SLC28A1: variants seen among roughly 807,000 people sequenced by gnomAD.
SLC28A1 encodes the protein sodium/nucleoside cotransporter 1.
Under a neutral mutation model 74.8 loss-of-function variants are expected in SLC28A1, and 64 were observed. The ratio of observed to expected loss-of-function variants is 0.86; its 90% CI spans 0.70 to 1.05. The LOEUF is 1.05. Among genes scored for constraint, SLC28A1 ranks in the 50% least tolerant of loss-of-function variants. The pLI is 0.00. For synonymous variants in SLC28A1, 359 were observed against 335.0 expected, an observed-to-expected ratio of 1.07 and a Z score of -0.78; for missense variants, 828 against 822.8, an observed-to-expected ratio of 1.01 and a Z score of -0.08.
intron 15 of SLC28A1, among the ~76,000 whole-genome samples, chr15:84,943,221 A>G (rs1433342226): frequency 6.6e-6 from 1 of 152,198 alleles, no homozygotes; most frequent in East Asian, 1.9e-4. Context: ...AAACAAAAAA[A>G]GTTGAAGGAC....
At chr15:84,925,840 A>T (rs1970448283) in intron 12 of SLC28A1, among the ~76,000 whole-genome samples, 1 of 152,032 alleles carries the variant, frequency 6.6e-6, no homozygotes, top group Admixed American at 6.6e-5. Flanking sequence ...TTATAAAAAG[A>T]TATTCAAGCT....
chr15:84,890,947 G>A, intron 5 of SLC28A1, among the ~76,000 whole-genome samples: 1 of 152,200 alleles, frequency 6.6e-6, no homozygotes, highest in South Asian at 2.1e-4. Context: ...AACTGGCAGG[G>A]TGTGGGTTTC....
chr15:84,903,563 G>A (rs1966845828), intron 6 of SLC28A1, among the ~76,000 whole-genome samples: 1 of 152,192 alleles, frequency 6.6e-6, no homozygotes, highest in African/African-American at 2.4e-5. Flanking sequence ...CCCAGCCCCA[G>A]GGAGGGAAGT....
chr15:84,938,533 T>C (rs936418774), intron 15 of SLC28A1: 2 of 152,170 alleles, frequency 1.3e-5, no homozygotes, highest in Non-Finnish European at 1.5e-5. Flanking sequence ...TTCATGATCT[T>C]TTTTTAATGA....
At chr15:84,973,791 G>A in the SLC28A1 span, among the ~76,000 whole-genome samples, 12,040 of 152,246 alleles carry the variant, frequency 0.079, 796 homozygotes, top group East Asian at 0.24. Context: ...TGTATTCTCA[G>A]TGATGAAAAA....
intron 15 of SLC28A1, chr15:84,941,111 T>C (rs945562166): frequency 1.3e-5 from 2 of 152,512 alleles, no homozygotes; most frequent in African/African-American, 4.8e-5. Context: ...CCTCTTGGCT[T>C]CTTAGGGTCT....
At chr15:84,964,441 C>G in the SLC28A1 span, among the ~76,000 whole-genome samples, 1 of 152,352 alleles carries the variant, frequency 6.6e-6, no homozygotes, top group African/African-American at 2.4e-5. Flanking sequence ...CTTCCTCTCA[C>G]TCAGTAGGAG....
intron 15 of SLC28A1, among the ~76,000 whole-genome samples, chr15:84,937,391 C>A (rs1180315737): frequency 6.6e-6 from 1 of 152,286 alleles, no homozygotes; most frequent in East Asian, 1.9e-4. Context: ...ATCAGCAGCA[C>A]CAGCTGTGCC....
intron 11 of SLC28A1, among the ~76,000 whole-genome samples, chr15:84,922,119 C>T (rs927028208): frequency 6.6e-6 from 1 of 152,148 alleles, no homozygotes; most frequent in African/African-American, 2.4e-5. Flanking sequence ...CTACTTGTGG[C>T]AGGCCTGGGC....
At chr15:84,943,170 G>A (rs1255333069) in intron 15 of SLC28A1, among the ~76,000 whole-genome samples, 1 of 152,064 alleles carries the variant, frequency 6.6e-6, no homozygotes, top group Non-Finnish European at 1.5e-5. Flanking sequence ...TGGGTGACAA[G>A]AGTAAAACTC....
chr15:84,930,921 C>T (rs1464484996), intron 12 of SLC28A1, among the ~76,000 whole-genome samples: 1 of 152,090 alleles, frequency 6.6e-6, no homozygotes, highest in African/African-American at 2.4e-5. Flanking sequence ...AGGCACACAC[C>T]ACCACACCCG....
the SLC28A1 span, among the ~76,000 whole-genome samples, chr15:84,961,011 A>G: frequency 1.3e-5 from 2 of 152,208 alleles, no homozygotes; most frequent in African/African-American, 4.8e-5. Flanking sequence ...AGACACATAC[A>G]TGGTTGAGTT....
intron 2 of SLC28A1, chr15:84,887,523 A>G (rs1219343258): frequency 5.1e-6 from 5 of 984,852 alleles, no homozygotes; most frequent in Non-Finnish European, 6.0e-6. Context: ...GTCTCTAGAA[A>G]AAGGAAGAGG....
At chr15:84,923,099 G>T (rs928746449) in intron 11 of SLC28A1, among the ~76,000 whole-genome samples, 1 of 152,116 alleles carries the variant, frequency 6.6e-6, no homozygotes, top group African/African-American at 2.4e-5. Context: ...CAGCATGCCC[G>T]GCTAATTTTT....
At chr15:84,888,400 C>A (rs1309858571) in intron 3 of SLC28A1, among the ~76,000 whole-genome samples, 2 of 140,176 alleles carry the variant, frequency 1.4e-5, no homozygotes, top group African/African-American at 5.1e-5. Context: ...AGAATACCCA[C>A]CCCCCACCCA....
At chr15:84,905,755 G>A in intron 8 of SLC28A1, 103 bp downstream of exon 8, 1 of 903,376 alleles carries the variant, frequency 1.1e-6, no homozygotes, top group Non-Finnish European at 1.8e-6. Flanking sequence ...CATAGAGAAG[G>A]CTTGGGACCT....
intron 2 of SLC28A1, among the ~76,000 whole-genome samples, chr15:84,887,033 G>A (rs567768732): frequency 1.5e-4 from 23 of 152,326 alleles, no homozygotes; most frequent in Admixed American, 2.6e-4. Flanking sequence ...TTAAGCCTAC[G>A]AACTGAGCTT....
chr15:84,904,403 G>T lies in SLC28A1; in HGVS notation c.603+165G>T, dbSNP rs543359973. Among the ~76,000 whole-genome samples the T allele has an allele frequency of 3.9e-5, 6 of 152,276 alleles. No homozygotes were observed. In the South Asian group the frequency reaches 1.0e-3, roughly 26 times the overall value. ...TGTATCAGGATAGGCTTCCTGTGAA[G>T]AAGAAGTCTTCAAAATCCCCAGCAG... On this transcript the variant is annotated intron_variant, in intron 7 of 18. Coordinates refer to ENST00000394573, the MANE Select transcript of SLC28A1 (RefSeq NM_004213.5).
At chr15:84,901,031 G>A (rs1443298647) in intron 6 of SLC28A1, among the ~76,000 whole-genome samples, 1 of 151,708 alleles carries the variant, frequency 6.6e-6, no homozygotes, top group African/African-American at 2.4e-5. Flanking sequence ...GGACCAGCCT[G>A]ACCAACAGAG....
Sources: allele counts gnomAD v4.1 joint callset (sites outside exome capture counted in the v4.1 genomes callset), GRCh38; gene constraint gnomAD v4.1.1; transcripts MANE v1.5; gene names NCBI Gene and HGNC (gene_info 2026-07-23, HGNC 2026-07-21).